The following PRKAG2 variants were observed in gnomAD, a reference collection of about 807,000 sequenced individuals.
The protein encoded by PRKAG2 is 5'-AMP-activated protein kinase subunit gamma-2.
Under a neutral mutation model 69.6 loss-of-function variants are expected in PRKAG2, and 26 were observed. That is an observed-to-expected ratio of 0.37 (90% CI 0.27 to 0.52). The LOEUF (loss-of-function observed/expected upper bound fraction) is 0.52, where lower values mean the gene tolerates loss of function less well. PRKAG2 is among the 20% of genes least tolerant of loss of function. The pLI is 0.90. For synonymous variants in PRKAG2, 293 were observed against 285.0 expected (o/e 1.03, Z -0.28); for missense variants, 557 against 740.0 (o/e 0.75, Z 2.87).
In PRKAG2 at chr7:151,781,177, G is replaced by T; in HGVS notation, c.441C>A (p.Ile147=). ...NSNPATSPGG[I]RFFSRSRKTS... is the part of the protein sequence containing the mutation. ...TTTTTCTGGAGCGGGAGAAAAACCT[G>T]ATGCCCCCGGGCGAGGTAGCAGGGT... Residue 147 remains isoleucine, a synonymous_variant, in exon 3 of 16, where the codon ATC becomes ATA. Coordinates refer to ENST00000287878, the MANE Select transcript of PRKAG2 (RefSeq NM_016203.4). The surrounding 1 kb of genome is among the most constrained non-coding windows in gnomAD (Gnocchi z 6.1). The T allele has an allele frequency of 4.3e-6, 7 of 1,614,022 alleles. No individual in the cohort carries two copies. The highest frequency in any genetic ancestry group is 5.9e-6 in the Non-Finnish European group (7 of 1,180,028).
intron 1 of PRKAG2, among the ~76,000 whole-genome samples, chr7:151,832,249 A>AAGGGAGG (rs1563737837): frequency 3.2e-4 from 6 of 18,560 alleles, no homozygotes; most frequent in African/African-American, 9.7e-4. Context: ...GGAGGGAAGG[A>AAGGGAGG]AGGGAGGAGG....
chr7:151,824,761 T>C (rs1343683768), intron 1 of PRKAG2, among the ~76,000 whole-genome samples: 1 of 152,194 alleles, frequency 6.6e-6, no homozygotes, highest in African/African-American at 2.4e-5. Context: ...TAGCGAGAAA[T>C]GCACTTCTGT....
intron 1 of PRKAG2, among the ~76,000 whole-genome samples, chr7:151,830,964 C>A (rs968685323): frequency 4.0e-5 from 6 of 151,576 alleles, no homozygotes; most frequent in African/African-American, 1.5e-4. Context: ...CACGAATGAC[C>A]AATAAGTATA....
chr7:151,757,741 G>A (rs763812557), intron 3 of PRKAG2, among the ~76,000 whole-genome samples: 19 of 152,172 alleles, frequency 1.2e-4, no homozygotes, highest in Non-Finnish European at 2.1e-4. Flanking sequence ...ATCTAGGGTG[G>A]TGTTTTCCAA....
chr7:151,623,312 C>T lies in PRKAG2; in HGVS notation c.754+8757G>A, dbSNP rs190885789. On this transcript the variant is annotated intron_variant, in intron 5 of 15. Coordinates refer to ENST00000287878, the MANE Select transcript of PRKAG2 (RefSeq NM_016203.4). The stretch of plus-strand genomic sequence containing the variant: ...CTGGGAGGTGGAGCTTGCAGTGAGC[C>T]GAGATTGCGCCACTGCACTCCAGCC... Among the ~76,000 whole-genome samples, 162 of 128,052 alleles carry T rather than the reference C, an allele frequency of 1.3e-3. 1 individual carries two copies. The highest frequency in any genetic ancestry group is 1.7e-3 in the Non-Finnish European group (106 of 64,122). The allele number at this position is 128,052 out of a possible 152,430, so 84.0% of individuals were successfully genotyped here.
chr7:151,586,482 A>G lies in PRKAG2; in HGVS notation c.864+8863T>C, dbSNP rs139963599. Among the ~76,000 whole-genome samples, 217 of 152,130 alleles carry G rather than the reference A, an allele frequency of 1.4e-3. 1 individual carries two copies. Among genetic ancestry groups the G allele is most frequent in the African/African-American group, 5.1e-3 (213 of 41,494 alleles). On this transcript the variant is annotated intron_variant, in intron 6 of 15. Coordinates refer to ENST00000287878, the MANE Select transcript of PRKAG2 (RefSeq NM_016203.4). The stretch of plus-strand genomic sequence containing the variant: ...TCCGAAATCAGACCTCTTCTCCGCA[A>G]CTCCTCCAATATCACGAACAGGTTA...
At chr7:151,663,507 C>A (rs576846906) in intron 4 of PRKAG2, among the ~76,000 whole-genome samples, 2 of 152,280 alleles carry the variant, frequency 1.3e-5, no homozygotes, top group South Asian at 4.1e-4. Flanking sequence ...GGACTACAGG[C>A]GTGCACCACC....
Position 151,583,435 on chromosome 7 carries a change from G to C in PRKAG2, c.865-6983C>G, listed in dbSNP as rs1006773301. 6.6e-6 allele frequency among the ~76,000 whole-genome samples: 1 copy of C among 152,224 alleles called. No individual in the cohort carries two copies. The highest frequency in any genetic ancestry group is 1.5e-5 in the Non-Finnish European group (1 of 68,044). The stretch of plus-strand genomic sequence containing the variant: ...TACTCGTACAATGCATTAAAGAGCA[G>C]TGTCCTGGGTGAGCTCGGGAGGGGC... On this transcript the variant is annotated intron_variant, in intron 6 of 15. Transcript: ENST00000287878. This position sits in a 1 kb window ranked among gnomAD's most constrained non-coding sequence, Gnocchi z 4.1.
chr7:151,626,509 G>A (rs1489232579), intron 5 of PRKAG2, among the ~76,000 whole-genome samples: 4 of 152,158 alleles, frequency 2.6e-5, no homozygotes, highest in Non-Finnish European at 5.9e-5. Flanking sequence ...CAGCAGGGAA[G>A]GGTAGAGTTT....
chr7:151,583,290 G>C lies in PRKAG2; in HGVS notation c.865-6838C>G, dbSNP rs115910763. 2.2e-3 allele frequency among the ~76,000 whole-genome samples: 329 copies of C among 152,212 alleles called. 1 individual carries two copies. Among genetic ancestry groups the C allele is most frequent in the African/African-American group, 7.4e-3 (306 of 41,536 alleles). ...TCCTGCTTCAGCCTCCCAAAGTGCT[G>C]GGATGAAAGATTTATTCTTTTAATT... On this transcript the variant is annotated intron_variant, in intron 6 of 15. Transcript: ENST00000287878. The surrounding 1 kb of genome is among the most constrained non-coding windows in gnomAD (Gnocchi z 4.1).
At chr7:151,858,694 C>T (rs534526438) in intron 1 of PRKAG2, among the ~76,000 whole-genome samples, 30 of 152,332 alleles carry the variant, frequency 2.0e-4, no homozygotes, top group South Asian at 6.2e-4. Context: ...TCATTCACTT[C>T]GGCCGTTTCT....
At chr7:151,736,407 T>A (rs1464560690) in intron 3 of PRKAG2, 12 of 958,504 alleles carry the variant, frequency 1.3e-5, no homozygotes, top group Non-Finnish European at 1.5e-5. Context: ...TTTTTTCTCC[T>A]TAAAATTAAA....
intron 5 of PRKAG2, among the ~76,000 whole-genome samples, chr7:151,628,494 C>T (rs1032635746): frequency 6.6e-6 from 1 of 152,192 alleles, no homozygotes; most frequent in Non-Finnish European, 1.5e-5. Flanking sequence ...CGGCAGATCA[C>T]TTGAGCCCAG....
intron 3 of PRKAG2, among the ~76,000 whole-genome samples, chr7:151,765,324 C>A (rs937433978): frequency 3.3e-5 from 5 of 152,198 alleles, no homozygotes; most frequent in Non-Finnish European, 1.5e-5. Flanking sequence ...CACTTTTCAA[C>A]AACCAGATCT....
chr7:151,844,934 AGCCC>A (rs1393379853), intron 1 of PRKAG2, among the ~76,000 whole-genome samples: 12 of 149,940 alleles, frequency 8.0e-5, no homozygotes, highest in Admixed American at 6.6e-4. Flanking sequence ...TGTGCTCCCC[AGCCC>A]GGCAAACCTC....
chr7:151,688,049 C>CCCCCA (rs976066654), intron 3 of PRKAG2, among the ~76,000 whole-genome samples: 1 of 144,402 alleles, frequency 6.9e-6, no homozygotes, highest in Admixed American at 6.8e-5. Context: ...GAGGCCCCCC[C>CCCCCA]CCGGGCTCCT....
chr7:151,734,546 C>T (rs908920931), intron 3 of PRKAG2, among the ~76,000 whole-genome samples: 1 of 152,106 alleles, frequency 6.6e-6, no homozygotes, highest in African/African-American at 2.4e-5. Flanking sequence ...GCTGGCAATG[C>T]GCTGACTCTG....
At chr7:151,854,902 G>C (rs2079666200) in intron 1 of PRKAG2, among the ~76,000 whole-genome samples, 1 of 151,800 alleles carries the variant, frequency 6.6e-6, no homozygotes, top group African/African-American at 2.4e-5. Flanking sequence ...TCCAGGGCTG[G>C]AGCTGGGGAA....
intron 2 of PRKAG2, among the ~76,000 whole-genome samples, chr7:151,783,581 C>A (rs2076841523): frequency 6.6e-6 from 1 of 151,914 alleles, no homozygotes; most frequent in South Asian, 2.1e-4. Flanking sequence ...ACTATTCCAC[C>A]TAACTATGGG....
Sources: allele counts gnomAD v4.1 joint callset (sites outside exome capture counted in the v4.1 genomes callset), GRCh38; gene constraint gnomAD v4.1.1; non-coding constraint Gnocchi (gnomAD v3.1); transcripts MANE v1.5; gene names NCBI Gene and HGNC (gene_info 2026-07-23, HGNC 2026-07-21).